EPB41L4B: variants seen among roughly 807,000 people sequenced by gnomAD.
EPB41L4B encodes erythrocyte membrane protein band 4.1 like 4B.
Under a neutral mutation model 112.5 loss-of-function variants are expected in EPB41L4B, and 30 were observed. The observed-to-expected ratio is 0.27, with a 90% confidence interval of 0.20 to 0.36. The LOEUF (loss-of-function observed/expected upper bound fraction) is 0.36. Ranked by LOEUF, EPB41L4B falls within the 10% of genes least tolerant of loss-of-function variation. The pLI, the probability that EPB41L4B is intolerant of heterozygous loss-of-function variation, is 1.00. For synonymous variants in EPB41L4B, 408 were observed against 439.7 expected (o/e 0.93, Z 0.90); for missense variants, 1,024 against 1,133.3 (o/e 0.90, Z 1.38).
chr9:109,279,480 G>T (rs551045412), intron 2 of EPB41L4B, among the ~76,000 whole-genome samples: 1 of 152,180 alleles, frequency 6.6e-6, no homozygotes, highest in Non-Finnish European at 1.5e-5. Context: ...GCCTCCCAAA[G>T]TGCTGGGATT....
At chr9:109,198,194 G>A (rs1285234169) in intron 20 of EPB41L4B, among the ~76,000 whole-genome samples, 1 of 152,162 alleles carries the variant, frequency 6.6e-6, no homozygotes, top group African/African-American at 2.4e-5. Flanking sequence ...ACAAATGGCA[G>A]ACCTGAGATG....
At chr9:109,239,344 A>T (rs1424371288) in intron 15 of EPB41L4B, among the ~76,000 whole-genome samples, 1 of 152,166 alleles carries the variant, frequency 6.6e-6, no homozygotes, top group East Asian at 1.9e-4. Context: ...AGGGTAAAAG[A>T]TGATCGATTT....
At chr9:109,257,770 C>A (rs1404780108) in intron 7 of EPB41L4B, among the ~76,000 whole-genome samples, 2 of 152,116 alleles carry the variant, frequency 1.3e-5, no homozygotes, top group African/African-American at 4.8e-5. Flanking sequence ...TGAGGTGGGA[C>A]AATCACTTGA....
chr9:109,243,039 G>A (rs1834407371), intron 15 of EPB41L4B, among the ~76,000 whole-genome samples: 1 of 151,628 alleles, frequency 6.6e-6, no homozygotes, highest in Non-Finnish European at 1.5e-5. Context: ...TTTATGGATT[G>A]TCTAGGGCTG....
intron 1 of EPB41L4B, among the ~76,000 whole-genome samples, chr9:109,311,459 C>A (rs1837410283): frequency 6.6e-6 from 1 of 152,122 alleles, no homozygotes; most frequent in Non-Finnish European, 1.5e-5. Context: ...ACCATTCCAC[C>A]CGGGGGGACT....
At chr9:109,315,489 C>G (rs777119930) in intron 1 of EPB41L4B, among the ~76,000 whole-genome samples, 2 of 152,194 alleles carry the variant, frequency 1.3e-5, no homozygotes, top group Non-Finnish European at 2.9e-5. Flanking sequence ...TGTACCCCAT[C>G]CCTCTTCCAT....
rs745647013 is a variant in EPB41L4B, at chr9:109,213,834, G to A, written c.1634-16C>T. On this transcript the variant is annotated splice_polypyrimidine_tract_variant and intron_variant, in intron 16 of 25. Coordinates refer to ENST00000374566, the MANE Select transcript of EPB41L4B (RefSeq NM_019114.5). ...GGACTCAGTTCTACAAAGCAGCCAG[G>A]AGAAATAAATAAGGAAAGGTTGAAA... 8.7e-6 allele frequency: 14 copies of A among 1,608,258 alleles called. No homozygotes were observed. The East Asian group carries it at 2.5e-4, about 28-fold the overall frequency.
chr9:109,288,722 CAAAAAAAAAAAAAAAAAA>C (rs386415824), intron 1 of EPB41L4B, among the ~76,000 whole-genome samples: 2 of 23,036 alleles, frequency 8.7e-5, no homozygotes, highest in Non-Finnish European at 1.3e-4. Context: ...GACTCCGTCT[CAAAAAAAAAAAAAAAAAA>C]AAAAAAAAAA....
chr9:109,210,303 A>C (rs913000323), intron 17 of EPB41L4B, among the ~76,000 whole-genome samples: 1 of 152,198 alleles, frequency 6.6e-6, no homozygotes, highest in Non-Finnish European at 1.5e-5. Flanking sequence ...GTGTTTGTAA[A>C]TCCTGTTACA....
intron 1 of EPB41L4B, among the ~76,000 whole-genome samples, chr9:109,313,203 G>A (rs1244941680): frequency 1.3e-5 from 2 of 152,236 alleles, no homozygotes; most frequent in South Asian, 2.1e-4. Context: ...GGGAGCTTAA[G>A]AAACACTCTT....
intron 1 of EPB41L4B, among the ~76,000 whole-genome samples, chr9:109,319,840 T>C (rs939424382): frequency 6.6e-6 from 1 of 152,014 alleles, no homozygotes. Context: ...GTCTCGGGAC[T>C]TGGGGACCGT....
intron 22 of EPB41L4B, among the ~76,000 whole-genome samples, chr9:109,187,340 A>C (rs758599613): frequency 9.2e-5 from 14 of 152,126 alleles, no homozygotes; most frequent in Non-Finnish European, 2.1e-4. Flanking sequence ...GGCTTTTTAC[A>C]ACTATTATCT....
chr9:109,202,657 A>G (rs866903176), intron 19 of EPB41L4B, among the ~76,000 whole-genome samples: 1 of 152,110 alleles, frequency 6.6e-6, no homozygotes, highest in South Asian at 2.1e-4. Context: ...TCAGGGGAGG[A>G]AGGACTTCCT....
intron 15 of EPB41L4B, among the ~76,000 whole-genome samples, chr9:109,224,040 T>A (rs917445015): frequency 1.3e-5 from 2 of 151,376 alleles, no homozygotes; most frequent in Admixed American, 6.6e-5. Flanking sequence ...AAAATAAAAA[T>A]AAAATAAAAT....
chr9:109,246,280 T>A (rs1834554580), intron 14 of EPB41L4B, among the ~76,000 whole-genome samples: 1 of 152,148 alleles, frequency 6.6e-6, no homozygotes. Context: ...CATACACCTA[T>A]AACCCCAGAT....
chr9:109,235,914 C>T (rs933894398), intron 15 of EPB41L4B, among the ~76,000 whole-genome samples: 2 of 152,084 alleles, frequency 1.3e-5, no homozygotes, highest in African/African-American at 4.8e-5. Context: ...GGCCAAAGGT[C>T]CCATGGCTAG....
chr9:109,315,188 G>A (rs1293281523), intron 1 of EPB41L4B, among the ~76,000 whole-genome samples: 1 of 152,144 alleles, frequency 6.6e-6, no homozygotes, highest in Non-Finnish European at 1.5e-5. Flanking sequence ...CAATGGTATT[G>A]CTCGCCCCAT....
At chr9:109,253,703 C>A (rs1031837441) in intron 11 of EPB41L4B, among the ~76,000 whole-genome samples, 153 bp from the exon 12 acceptor site, 3 of 152,186 alleles carry the variant, frequency 2.0e-5, no homozygotes, top group Admixed American at 6.5e-5. Context: ...TTTAACCTTC[C>A]ATTTGGAAAT....
At chr9:109,253,346 G>C in intron 12 of EPB41L4B, 95 bp downstream of exon 12, 1 of 820,466 alleles carries the variant, frequency 1.2e-6, no homozygotes, top group Non-Finnish European at 2.0e-6. Context: ...AGAACTGCGG[G>C]TACTTTCTTC....
Sources: gnomAD v4.1 joint callset for allele counts (sites outside exome capture counted in the v4.1 genomes callset) on GRCh38, gnomAD v4.1.1 for gene constraint, MANE v1.5 for transcripts, NCBI Gene and HGNC (gene_info 2026-07-23, HGNC 2026-07-21) for gene names.